Variants in TMEM63B observed in about 807,000 individuals in gnomAD.
TMEM63B encodes mechanosensitive cation channel TMEM63B.
Under a neutral mutation model 102.6 loss-of-function variants are expected in TMEM63B, and 23 were observed. That is an observed-to-expected ratio of 0.22 (90% CI 0.16 to 0.32). TMEM63B has a LOEUF of 0.32. Ranked by LOEUF, TMEM63B falls within the 10% of genes least tolerant of loss-of-function variation. The pLI, the probability that TMEM63B is intolerant of heterozygous loss-of-function variation, is 1.00. For synonymous variants in TMEM63B, 444 were observed against 437.0 expected (o/e 1.02, Z -0.20); for missense variants, 628 against 1,095.9 (o/e 0.57, Z 6.03).
rs1481006516 is a variant in TMEM63B at position 44,152,493 on chromosome 6, C to T, written c.1837-100C>T. 152 of 885,702 alleles carry T rather than the reference C, an allele frequency of 1.7e-4. No individual in the cohort carries two copies. Among genetic ancestry groups the T allele is most frequent in the Admixed American group, 5.8e-5 (3 of 51,654 alleles). The allele number at this position is 885,702 out of a possible 1,614,324, so 54.9% of individuals were successfully genotyped here. ...GTCCTGTTCCCCATGGCTTCTTTTC[C>T]GGCCCCAGAGGTCCTGGCTCCCTTC... On this transcript the variant is annotated intron_variant, in intron 19 of 23. Transcript: ENST00000323267. This position sits in a 1 kb window ranked among gnomAD's most constrained non-coding sequence, Gnocchi z 6.4.
At chr6:44,136,485 A>T in intron 5 of TMEM63B, 46 bp downstream of exon 5, 1 of 1,144,842 alleles carries the variant, frequency 8.7e-7, no homozygotes, top group Non-Finnish European at 1.2e-6. Flanking sequence ...CCCCACCCCC[A>T]GGGCACATGG....
intron 15 of TMEM63B, 88 bp from the exon 16 acceptor site, chr6:44,149,771 A>G (rs1766199400): frequency 1.9e-6 from 2 of 1,071,142 alleles, no homozygotes; most frequent in Admixed American, 2.2e-5. Context: ...TGTGAGGCCA[A>G]GGGCCCAGCT....
Position 44,150,699 on chromosome 6 carries a change from G to A in TMEM63B, c.1673+70G>A. ...TGGGTATGCTTGAGAGACATTGCCA[G>A]CCCCATGGGAGGGTGCAACAAAGCT... is the stretch of plus-strand genomic sequence containing the variant. On this transcript the variant is annotated intron_variant, in intron 18 of 23. Transcript: ENST00000323267. The surrounding 1 kb of genome is among the most constrained non-coding windows in gnomAD (Gnocchi z 4.7). 1 of 1,486,694 alleles carries A rather than the reference G, an allele frequency of 6.7e-7. No homozygotes were observed. The highest frequency in any genetic ancestry group is 9.4e-7 in the Non-Finnish European group (1 of 1,069,062). The allele number at this position is 1,486,694 out of a possible 1,614,324, so 92.1% of individuals were successfully genotyped here. A position where few individuals can be genotyped will look rare whatever the true frequency, so the allele number is the denominator to read the frequency against.
rs1480782315 is a variant in TMEM63B at position 44,148,058 on chromosome 6, G to A, written c.988-194G>A. Among the ~76,000 whole-genome samples, 1 of 152,192 alleles carries A rather than the reference G, an allele frequency of 6.6e-6. No homozygotes were observed. Among genetic ancestry groups the A allele is most frequent in the Non-Finnish European group, 1.5e-5 (1 of 68,036 alleles). On this transcript the variant is annotated intron_variant, in intron 12 of 23. Coordinates refer to ENST00000323267, the MANE Select transcript of TMEM63B (RefSeq NM_018426.3). This position sits in a 1 kb window ranked among gnomAD's most constrained non-coding sequence, Gnocchi z 5.1. ...GGGTCACTTTAGCCTGGGAGCTTGA[G>A]GCTCCAGTGAGCTGAGATTCCACCA...
At position 44,153,794 on chromosome 6, in the gene TMEM63B, G is replaced by T. The variant is rs753384706; in HGVS notation, c.2061G>T (p.Ala687=). The T allele has an allele frequency of 1.7e-5, 27 of 1,613,964 alleles. No individual in the cohort carries two copies. The highest frequency in any genetic ancestry group is 2.0e-5 in the Non-Finnish European group (24 of 1,180,020). ...HSGAVNQVVA[A]PILCLFWLLF... ...GGGCTGTGAACCAGGTGGTGGCCGC[G>T]CCCATCCTCTGCCTCTTCTGGCTGC... Residue 687 remains alanine, a synonymous_variant, in exon 21 of 24, where the codon GCG becomes GCT. Transcript: ENST00000323267.
chr6:44,135,176 C>G, intron 3 of TMEM63B, 80 bp downstream of exon 3: 1 of 1,583,562 alleles, frequency 6.3e-7, no homozygotes, highest in Non-Finnish European at 8.7e-7. Context: ...AGGAGCCAGC[C>G]CTCTCTCATT....
chr6:44,146,142 G>C (rs1474168312), intron 10 of TMEM63B, among the ~76,000 whole-genome samples: 3 of 152,160 alleles, frequency 2.0e-5, no homozygotes, highest in Non-Finnish European at 4.4e-5. Flanking sequence ...CTAAGTGTTG[G>C]GCTGTGACCA....
At chr6:44,146,253 C>T (rs1765352110) in intron 10 of TMEM63B, among the ~76,000 whole-genome samples, 1 of 152,074 alleles carries the variant, frequency 6.6e-6, no homozygotes, top group Non-Finnish European at 1.5e-5. Flanking sequence ...AGACCATAGC[C>T]CTGGCTTCCC....
chr6:44,154,307 G>A, intron 22 of TMEM63B, 58 bp from the exon 23 acceptor site: 1 of 1,607,882 alleles, frequency 6.2e-7, no homozygotes, highest in South Asian at 1.1e-5. Context: ...CGGGCGTGGG[G>A]TCATGATCAG....
At chr6:44,140,421 A>G (rs370549177) in intron 9 of TMEM63B, 61 bp downstream of exon 9, 33 of 1,379,230 alleles carry the variant, frequency 2.4e-5, no homozygotes, top group East Asian at 1.1e-4. Context: ...CCTTCCCTGC[A>G]GGCCTCTTTT....
chr6:44,143,564 TTTG>T (rs35919779), intron 10 of TMEM63B, among the ~76,000 whole-genome samples: 12,956 of 109,524 alleles, frequency 0.12, 808 homozygotes, highest in East Asian at 0.24. Flanking sequence ...AAATCTGGTG[TTTG>T]TTGTTTTTGT....
chr6:44,151,774 TA>T (rs1766689082), intron 18 of TMEM63B, 71 bp from the exon 19 acceptor site: 1 of 1,500,606 alleles, frequency 6.7e-7, no homozygotes, highest in Non-Finnish European at 9.0e-7. Context: ...TTGGGTGCTG[TA>T]GTTCTGGCAG....
intron 1 of TMEM63B, among the ~76,000 whole-genome samples, chr6:44,131,914 G>A (rs1022489023): frequency 6.6e-6 from 1 of 152,198 alleles, no homozygotes; most frequent in Non-Finnish European, 1.5e-5. Context: ...CAGGCACCTC[G>A]TGGAGTGGAA....
chr6:44,153,840 A>T lies in TMEM63B; in HGVS notation c.2107A>T (p.Thr703Ser), dbSNP rs770047637. ...FWLLFFSTMR[T>S]GFLAPTSMFT... is the part of the protein sequence containing the mutation. ...GCTGCTCTTCTTTTCCACCATGCGC[A>T]CGGGTGAGGGATCCCTACCCAGGGA... The change falls in exon 21 of 24, where the codon ACG (threonine) becomes TCG (serine). Residue 703 changes from threonine (T) to serine (S), a missense_variant. Physicochemically the swap from Thr to Ser is moderately conservative, Grantham distance 58 (BLOSUM62 1). Coordinates refer to ENST00000323267, the MANE Select transcript of TMEM63B (RefSeq NM_018426.3). 6.2e-7 allele frequency: 1 copy of T among 1,613,100 alleles called. No individual in the cohort carries two copies. Among genetic ancestry groups the T allele is most frequent in the Non-Finnish European group, 8.5e-7 (1 of 1,179,534 alleles).
rs1452213637 is a variant in TMEM63B, at chr6:44,150,112, G to C, written c.1521-112G>C. ...GGGTAGTGCCCAGCACCCTCACCTT[G>C]GGAGGCCCACCCTTCCCAGGGGACA... On this transcript the variant is annotated intron_variant, in intron 16 of 23. Coordinates refer to ENST00000323267, the MANE Select transcript of TMEM63B (RefSeq NM_018426.3). This position sits in a 1 kb window ranked among gnomAD's most constrained non-coding sequence, Gnocchi z 4.7. 4 of 1,339,648 alleles carry C rather than the reference G, an allele frequency of 3.0e-6. No individual in the cohort carries two copies. The highest frequency in any genetic ancestry group is 4.2e-6 in the Non-Finnish European group (4 of 955,964). The allele number at this position is 1,339,648 out of a possible 1,614,324, so 83.0% of individuals were successfully genotyped here. A position where few individuals can be genotyped will look rare whatever the true frequency, so the allele number is the denominator to read the frequency against.
rs1765802743 is a variant in TMEM63B at position 44,148,107 on chromosome 6, A to G, written c.988-145A>G. 6.4e-6 allele frequency: 8 copies of G among 1,243,256 alleles called. No individual in the cohort carries two copies. The highest frequency in any genetic ancestry group is 7.8e-6 in the Non-Finnish European group (7 of 900,658). 77.0% of individuals were successfully genotyped at this position (1,243,256 alleles called of 1,614,324 possible). The stretch of plus-strand genomic sequence containing the variant: ...CACTACACTCCAGCCTGGGCATCAG[A>G]GCGAGACGCTGTTTCCAAAAAAAAA... On this transcript the variant is annotated intron_variant, in intron 12 of 23. Coordinates refer to ENST00000323267, the MANE Select transcript of TMEM63B (RefSeq NM_018426.3). This position sits in a 1 kb window ranked among gnomAD's most constrained non-coding sequence, Gnocchi z 5.1.
chr6:44,143,355 G>T (rs1764684368), intron 10 of TMEM63B, among the ~76,000 whole-genome samples: 1 of 152,204 alleles, frequency 6.6e-6, no homozygotes. Flanking sequence ...ATTCTTGTCA[G>T]TATGAGAGAA....
At chr6:44,149,837 G>GC in intron 15 of TMEM63B, 22 bp from the exon 16 acceptor site, 1 of 1,590,712 alleles carries the variant, frequency 6.3e-7, no homozygotes, top group Non-Finnish European at 8.6e-7. Context: ...CCTGCCTGAC[G>GC]CCCCCCTGTG....
chr6:44,145,368 G>T (rs1409774244), intron 10 of TMEM63B, among the ~76,000 whole-genome samples: 3 of 151,094 alleles, frequency 2.0e-5, no homozygotes, highest in Non-Finnish European at 4.4e-5. Flanking sequence ...ATCACCTGAG[G>T]TCAGGAGTTC....
Sources: gnomAD v4.1 joint callset for allele counts (sites outside exome capture counted in the v4.1 genomes callset) on GRCh38, gnomAD v4.1.1 for gene constraint, Gnocchi (gnomAD v3.1) non-coding constraint, MANE v1.5 for transcripts, NCBI Gene and HGNC (gene_info 2026-07-23, HGNC 2026-07-21) for gene names.